Variants in EYS observed in about 807,000 individuals in gnomAD.
EYS encodes EGF-like photoreceptor maintenance factor.
Under a neutral mutation model 282.1 loss-of-function variants are expected in EYS, and 250 were observed. The observed-to-expected ratio is 0.89, with a 90% confidence interval of 0.80 to 0.98. The LOEUF (loss-of-function observed/expected upper bound fraction) is 0.98. Ranked by LOEUF, EYS falls within the 50% of genes least tolerant of loss-of-function variation. The pLI is 0.00. For synonymous variants in EYS, 1,355 were observed against 1,282.9 expected (o/e 1.06, Z -1.20); for missense variants, 4,016 against 3,709.0 (o/e 1.08, Z -2.15).
At chr6:64,732,559 C>A (rs9689133) in intron 22 of EYS, among the ~76,000 whole-genome samples, 2,915 of 152,054 alleles carry the variant, frequency 0.019, 80 homozygotes, top group African/African-American at 0.064. Context: ...TTTTTGAATT[C>A]TTATTTTTTG....
chr6:64,954,160 TTA>T, intron 14 of EYS, among the ~76,000 whole-genome samples: 1 of 152,188 alleles, frequency 6.6e-6, no homozygotes, highest in Non-Finnish European at 1.5e-5. Context: ...TATTTTCAAT[TTA>T]TAGTTTTTAT....
chr6:64,420,824 C>T (rs773017264), intron 28 of EYS, among the ~76,000 whole-genome samples: 10 of 152,174 alleles, frequency 6.6e-5, no homozygotes, highest in Non-Finnish European at 1.3e-4. Context: ...TCTTCCTCTC[C>T]ATCTGAGACC....
At chr6:64,060,321 G>C (rs2149850746) in intron 33 of EYS, among the ~76,000 whole-genome samples, 1 of 152,144 alleles carries the variant, frequency 6.6e-6, no homozygotes, top group African/African-American at 2.4e-5. Context: ...ATGGTCTCTT[G>C]CTCATTCTCC....
At chr6:65,141,716 CTA>C (rs1471240114) in intron 12 of EYS, among the ~76,000 whole-genome samples, 12 of 151,800 alleles carry the variant, frequency 7.9e-5, no homozygotes, top group Admixed American at 2.6e-4. Flanking sequence ...AACATGTTAA[CTA>C]TATGAGTAAA....
chr6:63,937,275 T>C (rs774673811), intron 35 of EYS, among the ~76,000 whole-genome samples: 8 of 139,032 alleles, frequency 5.8e-5, no homozygotes, highest in Non-Finnish European at 1.5e-5. Context: ...AAGCAACACC[T>C]CAGATGTGCT....
chr6:64,874,553 G>A (rs1214417737), intron 19 of EYS, among the ~76,000 whole-genome samples: 1 of 152,084 alleles, frequency 6.6e-6, no homozygotes, highest in South Asian at 2.1e-4. Context: ...TTAAGATGGG[G>A]GCTTGTGTGC....
At chr6:65,657,472 T>C (rs961382582) in intron 1 of EYS, among the ~76,000 whole-genome samples, 2 of 151,742 alleles carry the variant, frequency 1.3e-5, no homozygotes, top group African/African-American at 4.8e-5. Context: ...TAGATGACAT[T>C]GAGGACCCAA....
chr6:65,471,959 T>C (rs987204188), intron 5 of EYS, among the ~76,000 whole-genome samples: 1 of 152,148 alleles, frequency 6.6e-6, no homozygotes, highest in African/African-American at 2.4e-5. Context: ...TGCTATGTTT[T>C]ATAGTGTTAA....
At chr6:63,765,191 G>A (rs1171290581) in intron 40 of EYS, among the ~76,000 whole-genome samples, 2 of 152,024 alleles carry the variant, frequency 1.3e-5, no homozygotes, top group Non-Finnish European at 2.9e-5. Flanking sequence ...TCTTAGGATT[G>A]AGCATAGTAT....
intron 15 of EYS, among the ~76,000 whole-genome samples, chr6:64,942,827 C>CAAAAAAAA (rs34826658): frequency 3.2e-5 from 3 of 94,330 alleles, no homozygotes; most frequent in African/African-American, 1.0e-4. Flanking sequence ...GTAACTCTTC[C>CAAAAAAAA]AAAAAAAAAA....
At chr6:65,023,582 C>T (rs1418139094) in intron 13 of EYS, among the ~76,000 whole-genome samples, 2 of 152,084 alleles carry the variant, frequency 1.3e-5, no homozygotes, top group African/African-American at 4.8e-5. Context: ...ATTCATAGTT[C>T]CCACAATTTG....
chr6:64,845,602 G>A (rs931168721), intron 19 of EYS, among the ~76,000 whole-genome samples: 5 of 151,276 alleles, frequency 3.3e-5, no homozygotes, highest in Admixed American at 6.6e-5. Context: ...TCCCAACTTC[G>A]GGAATTTCTT....
chr6:63,783,658 A>G (rs1014686391), intron 39 of EYS, among the ~76,000 whole-genome samples: 1 of 152,210 alleles, frequency 6.6e-6, no homozygotes, highest in Non-Finnish European at 1.5e-5. Flanking sequence ...CTCACTCTCA[A>G]TGAGTGAGCT....
chr6:65,198,768 C>T (rs1476293891), intron 12 of EYS, among the ~76,000 whole-genome samples: 8 of 151,954 alleles, frequency 5.3e-5, no homozygotes, highest in African/African-American at 1.9e-4. Flanking sequence ...AGCTATTAAT[C>T]CAAAAGGGGG....
intron 12 of EYS, among the ~76,000 whole-genome samples, chr6:65,150,964 T>A (rs1472389743): frequency 6.6e-6 from 1 of 152,088 alleles, no homozygotes; most frequent in Non-Finnish European, 1.5e-5. Flanking sequence ...GGCTCTGAAC[T>A]TTTTCCTAAG....
At chr6:65,236,809 TCA>T (rs1401405731) in intron 12 of EYS, among the ~76,000 whole-genome samples, 1 of 152,158 alleles carries the variant, frequency 6.6e-6, no homozygotes, top group Non-Finnish European at 1.5e-5. Context: ...GAAACTTTCG[TCA>T]CAGCAACTTA....
chr6:64,862,382 GT>G (rs1340709489), intron 19 of EYS, among the ~76,000 whole-genome samples: 1 of 152,062 alleles, frequency 6.6e-6, no homozygotes, highest in African/African-American at 2.4e-5. Context: ...TCATTTTGTT[GT>G]TGTTTCAATG....
chr6:65,468,567 A>C (rs1234916163), intron 5 of EYS, among the ~76,000 whole-genome samples: 1 of 152,000 alleles, frequency 6.6e-6, no homozygotes, highest in East Asian at 1.9e-4. Context: ...TCAGGACCTG[A>C]ATATAACCTC....
At chr6:64,354,544 T>A (rs1270764705) in intron 29 of EYS, among the ~76,000 whole-genome samples, 1 of 151,574 alleles carries the variant, frequency 6.6e-6, no homozygotes, top group African/African-American at 2.4e-5. Flanking sequence ...ATACATGATA[T>A]AAGCATCTGG....
Sources: allele counts gnomAD v4.1 joint callset (sites outside exome capture counted in the v4.1 genomes callset), GRCh38; gene constraint gnomAD v4.1.1; transcripts MANE v1.5; gene names NCBI Gene and HGNC (gene_info 2026-07-23, HGNC 2026-07-21).